DMXL2: variants seen among roughly 807,000 people sequenced by gnomAD.
DMXL2 encodes the protein Dmx like 2.
In DMXL2, 103 loss-of-function variants were observed where a neutral mutation model predicts 331.1. The ratio of observed to expected loss-of-function variants is 0.31; its 90% CI spans 0.27 to 0.37. The LOEUF is 0.37. Among genes scored for constraint, DMXL2 ranks in the 10% least tolerant of loss-of-function variants. The pLI is 1.00. For missense variants in DMXL2, 3,171 were observed against 3,642.9 expected, an observed-to-expected ratio of 0.87 and a Z score of 3.33; for synonymous variants, 1,281 against 1,252.1, an observed-to-expected ratio of 1.02 and a Z score of -0.49.
chr15:51,596,863 C>A (rs532619197), intron 1 of DMXL2, among the ~76,000 whole-genome samples: 1 of 151,932 alleles, frequency 6.6e-6, no homozygotes, highest in Non-Finnish European at 1.5e-5. Flanking sequence ...TAGGTGGGAA[C>A]TGAACAATAA....
intron 21 of DMXL2, 83 bp downstream of exon 21, chr15:51,488,465 A>T: frequency 8.2e-7 from 1 of 1,218,854 alleles, no homozygotes; most frequent in Non-Finnish European, 1.2e-6. Context: ...TCATATACCT[A>T]ATTATTTTCA....
intron 15 of DMXL2, among the ~76,000 whole-genome samples, chr15:51,509,623 A>T (rs1488191790): frequency 6.6e-6 from 1 of 152,172 alleles, no homozygotes; most frequent in Admixed American, 6.6e-5. Context: ...ATTCTACCAG[A>T]GGTACAAAGA....
intron 39 of DMXL2, among the ~76,000 whole-genome samples, chr15:51,455,682 T>C (rs2039560784): frequency 6.6e-6 from 1 of 152,208 alleles, no homozygotes; most frequent in African/African-American, 2.4e-5. Flanking sequence ...TGAACCACTG[T>C]GACTGGCCCT....
At chr15:51,532,618 A>G (rs1406897471) in intron 13 of DMXL2, among the ~76,000 whole-genome samples, 2 of 152,126 alleles carry the variant, frequency 1.3e-5, no homozygotes, top group African/African-American at 4.8e-5. Context: ...TTGCATGCCT[A>G]TATCAAAACA....
At chr15:51,473,107 A>G (rs2041273944) in intron 28 of DMXL2, among the ~76,000 whole-genome samples, 1 of 152,198 alleles carries the variant, frequency 6.6e-6, no homozygotes, top group Admixed American at 6.5e-5. Flanking sequence ...GGTCTCAGAT[A>G]TCCACATGGT....
intron 33 of DMXL2, chr15:51,460,161 A>G: frequency 1.0e-6 from 1 of 985,790 alleles, no homozygotes; most frequent in Non-Finnish European, 1.2e-6. Flanking sequence ...GCACGGAAAA[A>G]GAAATAACTC....
chr15:51,561,393 T>C (rs1024106867), intron 6 of DMXL2, among the ~76,000 whole-genome samples: 1 of 152,190 alleles, frequency 6.6e-6, no homozygotes, highest in Non-Finnish European at 1.5e-5. Context: ...GAGTTACTCA[T>C]TGGCTTAGGC....
Position 51,538,196 on chromosome 15 carries a change from G to T in DMXL2, c.1345+17C>A. The stretch of plus-strand genomic sequence containing the variant: ...GTTAACTTTGGAGTAAGTAAAATCT[G>T]AACACAGGATACTAACCATGGTCTA... On this transcript the variant is annotated intron_variant, in intron 10 of 43. Transcript: ENST00000560891. 1.9e-6 allele frequency: 3 copies of T among 1,599,412 alleles called. No individual in the cohort carries two copies. The South Asian group carries it at 3.4e-5, about 18-fold the overall frequency.
intron 1 of DMXL2, among the ~76,000 whole-genome samples, chr15:51,613,413 C>A (rs148119309): frequency 1.5e-4 from 23 of 152,324 alleles, no homozygotes; most frequent in East Asian, 3.9e-4. Flanking sequence ...GCCTGTCCCT[C>A]CGTTTAGGGT....
intron 13 of DMXL2, among the ~76,000 whole-genome samples, chr15:51,534,427 G>A (rs1290955192): frequency 6.6e-6 from 1 of 152,178 alleles, no homozygotes; most frequent in East Asian, 1.9e-4. Context: ...AGTAGAACTA[G>A]CACTAGCAAG....
intron 16 of DMXL2, among the ~76,000 whole-genome samples, chr15:51,505,383 G>T (rs2043988750): frequency 6.6e-6 from 1 of 152,202 alleles, no homozygotes. Flanking sequence ...CGCTTCATAA[G>T]CAGTGGGGAC....
chr15:51,536,724 C>G lies in DMXL2; in HGVS notation c.1756G>C (p.Val586Leu). The G allele has an allele frequency of 1.9e-6, 3 of 1,614,084 alleles. No individual in the cohort carries two copies. Among genetic ancestry groups the G allele is most frequent in the Non-Finnish European group, 2.5e-6 (3 of 1,179,990 alleles). Residue 586 changes from valine to leucine, a missense_variant, in exon 12 of 44, where the codon GTA becomes CTA. Val to Leu is a conservative substitution (Grantham distance 32). Around this residue, in one of 7 missense-constraint regions of DMXL2, gnomAD observed 1,674 missense variants for 1,780.2 expected, o/e 0.94. Transcript: ENST00000560891. ...HTLLHQEGMS[V>L]GSPHGSQPHS... ...GGCTGTGATCCGTGAGGACTGCCTA[C>G]AGACATCCCCTCCTGGTGTAACAGC...
At chr15:51,524,556 G>A (rs1411472340) in intron 13 of DMXL2, among the ~76,000 whole-genome samples, 1 of 152,140 alleles carries the variant, frequency 6.6e-6, no homozygotes, top group Non-Finnish European at 1.5e-5. Context: ...CCCACACCCT[G>A]GCAGCAGCAG....
At chr15:51,574,774 T>C (rs2050907072) in intron 2 of DMXL2, among the ~76,000 whole-genome samples, 2 of 152,222 alleles carry the variant, frequency 1.3e-5, no homozygotes, top group South Asian at 4.1e-4. Flanking sequence ...GAAACACAAG[T>C]TGCTCTGTTT....
In DMXL2 at chr15:51,499,140, G is replaced by T. The variant is rs768632693; in HGVS notation, c.4084C>A (p.Arg1362=). The T allele has an allele frequency of 7.4e-6, 12 of 1,613,916 alleles. No individual in the cohort carries two copies. Among genetic ancestry groups the T allele is most frequent in the South Asian group, 1.1e-5 (1 of 91,072 alleles). The change falls in exon 18 of 44, where the codon CGA becomes AGA. Residue 1362 remains arginine, a synonymous_variant. Transcript: ENST00000560891. ...TGAGAGAGAATGGCTTTAGCCCTTC[G>T]CACTTTCCCTAAATCCATCAATTCT... ...LLELMDLGKV[R]RAKAILSHLV... is the part of the protein sequence containing the mutation.
intron 36 of DMXL2, among the ~76,000 whole-genome samples, 194 bp downstream of exon 36, chr15:51,458,312 G>A (rs1489963358): frequency 1.3e-5 from 2 of 152,160 alleles, no homozygotes; most frequent in East Asian, 3.8e-4. Flanking sequence ...AATAGTGTAG[G>A]GTTTAATGGA....
At chr15:51,569,223 G>A (rs2050494654) in intron 2 of DMXL2, among the ~76,000 whole-genome samples, 1 of 152,212 alleles carries the variant, frequency 6.6e-6, no homozygotes, top group African/African-American at 2.4e-5. Flanking sequence ...CAGCATCTGA[G>A]GTTGACCTGG....
chr15:51,501,563 T>C (rs1339069727), intron 17 of DMXL2, among the ~76,000 whole-genome samples: 3 of 152,214 alleles, frequency 2.0e-5, no homozygotes, highest in African/African-American at 4.8e-5. Context: ...AATGAATGTA[T>C]TTGTTCTTCA....
chr15:51,593,241 C>CA (rs1375277867), intron 1 of DMXL2, among the ~76,000 whole-genome samples: 2 of 151,628 alleles, frequency 1.3e-5, no homozygotes, highest in South Asian at 2.1e-4. Context: ...AAATAGAAAA[C>CA]AAAAAAAGGC....
Sources: gnomAD v4.1 joint callset for allele counts (sites outside exome capture counted in the v4.1 genomes callset) on GRCh38, gnomAD v4.1.1 for gene constraint, gnomAD v4.1.1 regional missense constraint, MANE v1.5 for transcripts, NCBI Gene and HGNC (gene_info 2026-07-23, HGNC 2026-07-21) for gene names.